Variants in AGMO observed in about 807,000 individuals in gnomAD.
AGMO encodes alkylglycerol monooxygenase.
A neutral mutation model predicts 60.2 loss-of-function variants in AGMO; 75 were observed. The ratio of observed to expected loss-of-function variants is 1.25; its 90% CI spans 1.03 to 1.51. The LOEUF (loss-of-function observed/expected upper bound fraction) is 1.51, where lower values mean the gene tolerates loss of function less well. Among genes scored for constraint, AGMO ranks in the 40% most tolerant of loss-of-function variants. The pLI is 0.00. For synonymous variants in AGMO, 261 were observed against 177.1 expected, an observed-to-expected ratio of 1.47 and a Z score of -3.76; for missense variants, 763 against 525.5, an observed-to-expected ratio of 1.45 and a Z score of -4.42.
At chr7:15,342,553 CATATCATTT>C in intron 12 of AGMO, among the ~76,000 whole-genome samples, 1 of 151,998 alleles carries the variant, frequency 6.6e-6, no homozygotes, top group East Asian at 1.9e-4. Flanking sequence ...TCAACCTCAT[CATATCATTT>C]TCTTCAAGGT....
intron 12 of AGMO, among the ~76,000 whole-genome samples, chr7:15,340,487 A>T (rs1356408187): frequency 6.6e-6 from 1 of 152,028 alleles, no homozygotes; most frequent in Non-Finnish European, 1.5e-5. Context: ...CCTCGGGGGG[A>T]ACAATGGTTT....
At chr7:15,418,426 G>T (rs1048767191) in intron 5 of AGMO, 132 bp downstream of exon 5, 2 of 613,884 alleles carry the variant, frequency 3.3e-6, no homozygotes, top group South Asian at 2.1e-5. Context: ...GAATAAAAAT[G>T]AACAGATGTT....
the AGMO span, among the ~76,000 whole-genome samples, chr7:15,150,394 G>A: frequency 6.6e-6 from 1 of 152,042 alleles, no homozygotes; most frequent in South Asian, 2.1e-4. Flanking sequence ...TTTTCTGGGG[G>A]AATGCTTCCA....
At chr7:15,406,348 GTA>G (rs750623933) in intron 5 of AGMO, among the ~76,000 whole-genome samples, 49 of 141,730 alleles carry the variant, frequency 3.5e-4, no homozygotes, top group African/African-American at 1.2e-3. Context: ...ATATATATGT[GTA>G]TATATATGTA....
intron 10 of AGMO, among the ~76,000 whole-genome samples, chr7:15,373,092 C>T (rs1783283111): frequency 6.6e-6 from 1 of 152,132 alleles, no homozygotes; most frequent in South Asian, 2.1e-4. Flanking sequence ...GGCAAAACCC[C>T]ATCTCTACTA....
the AGMO span, among the ~76,000 whole-genome samples, chr7:15,149,278 C>T: frequency 1.3e-5 from 2 of 152,118 alleles, no homozygotes; most frequent in South Asian, 4.1e-4. Flanking sequence ...TGTGTTTACT[C>T]TGTTGATCAC....
intron 12 of AGMO, 135 bp downstream of exon 12, chr7:15,365,379 G>GAAAAAAAAAAAAAAAAAAAAAAAA (rs1782929826): frequency 4.6e-6 from 1 of 217,794 alleles, no homozygotes; most frequent in African/African-American, 2.4e-4. Flanking sequence ...GTACTGGTAA[G>GAAAAAAAAAAAAAAAAAAAAAAAA]TAAAAAAAAA....
At chr7:15,365,380 TA>T (rs60202363) in intron 12 of AGMO, 133 bp downstream of exon 12, 69,366 of 222,012 alleles carry the variant, frequency 0.31, 4,123 homozygotes, top group African/African-American at 0.38. Flanking sequence ...TACTGGTAAG[TA>T]AAAAAAAAAA....
At chr7:15,488,074 A>G (rs1782968136) in intron 3 of AGMO, among the ~76,000 whole-genome samples, 1 of 152,206 alleles carries the variant, frequency 6.6e-6, no homozygotes, top group African/African-American at 2.4e-5. Context: ...GAAGGAGCAC[A>G]TTTTATTGCT....
chr7:15,308,997 A>G (rs2128530508), intron 12 of AGMO, among the ~76,000 whole-genome samples: 1 of 152,296 alleles, frequency 6.6e-6, no homozygotes, highest in African/African-American at 2.4e-5. Context: ...GTTAATGGTA[A>G]GCAACTTTAC....
At chr7:15,500,988 T>C (rs1340588949) in intron 3 of AGMO, among the ~76,000 whole-genome samples, 1 of 152,046 alleles carries the variant, frequency 6.6e-6, no homozygotes, top group Non-Finnish European at 1.5e-5. Flanking sequence ...TGTAATTGTA[T>C]GGTTTGGAAC....
intron 12 of AGMO, among the ~76,000 whole-genome samples, chr7:15,328,866 C>T (rs1315835197): frequency 6.6e-6 from 1 of 152,118 alleles, no homozygotes; most frequent in East Asian, 1.9e-4. Context: ...CCCTTTCCAA[C>T]CACAATGATT....
At chr7:15,554,984 A>G (rs2115305395) in intron 2 of AGMO, among the ~76,000 whole-genome samples, 1 of 151,982 alleles carries the variant, frequency 6.6e-6, no homozygotes, top group South Asian at 2.1e-4. Context: ...AAAGCAAGTG[A>G]CATTTGGTGT....
chr7:15,348,417 T>C (rs1181994681), intron 12 of AGMO, among the ~76,000 whole-genome samples: 1 of 151,862 alleles, frequency 6.6e-6, no homozygotes, highest in African/African-American at 2.4e-5. Flanking sequence ...GCCAGAAAAA[T>C]GCTATTACCA....
chr7:15,188,978 A>G, the AGMO span, among the ~76,000 whole-genome samples: 1 of 152,322 alleles, frequency 6.6e-6, no homozygotes, highest in African/African-American at 2.4e-5. Context: ...TTTTTGAATG[A>G]AATTTGAGGT....
At chr7:15,384,965 G>A (rs1468325259) in intron 10 of AGMO, among the ~76,000 whole-genome samples, 3 of 151,610 alleles carry the variant, frequency 2.0e-5, no homozygotes, top group African/African-American at 7.3e-5. Flanking sequence ...CTGGTCTAGT[G>A]CTCTTCTATT....
chr7:15,350,912 G>T (rs1209637270), intron 12 of AGMO, among the ~76,000 whole-genome samples: 1 of 152,158 alleles, frequency 6.6e-6, no homozygotes, highest in Non-Finnish European at 1.5e-5. Flanking sequence ...ATTAAACATT[G>T]TTCAGTGTTG....
chr7:15,300,482 A>G (rs1784534253), intron 12 of AGMO, among the ~76,000 whole-genome samples: 1 of 152,178 alleles, frequency 6.6e-6, no homozygotes, highest in South Asian at 2.1e-4. Flanking sequence ...ATTCATTGTT[A>G]TTTAATTAAG....
At chr7:15,384,303 AGTT>A (rs1783823589) in intron 10 of AGMO, among the ~76,000 whole-genome samples, 2 of 152,130 alleles carry the variant, frequency 1.3e-5, no homozygotes, top group Non-Finnish European at 2.9e-5. Context: ...GTTGCATGCT[AGTT>A]ATATTTTTAT....
Sources: gnomAD v4.1 joint callset for allele counts (sites outside exome capture counted in the v4.1 genomes callset) on GRCh38, gnomAD v4.1.1 for gene constraint, MANE v1.5 for transcripts, NCBI Gene and HGNC (gene_info 2026-07-23, HGNC 2026-07-21) for gene names.